The following TNS3 variants were observed in gnomAD, a reference collection of about 807,000 sequenced individuals.
The protein encoded by TNS3 is tensin 3.
In TNS3, 45 loss-of-function variants were observed where a neutral mutation model predicts 140.9. That is an observed-to-expected ratio of 0.32 (90% CI 0.25 to 0.41). The LOEUF is 0.41. TNS3 is among the 10% of genes least tolerant of loss of function. The probability of loss-of-function intolerance (pLI) is 1.00; values close to 1 mark genes in which losing one functional copy is unlikely to be tolerated. For missense variants in TNS3, 1,716 were observed against 1,906.7 expected (o/e 0.90, Z 1.86); for synonymous variants, 815 against 788.4 (o/e 1.03, Z -0.56).
intron 4 of TNS3, among the ~76,000 whole-genome samples, chr7:47,475,268 T>C (rs1797146004): frequency 1.3e-5 from 2 of 152,178 alleles, no homozygotes; most frequent in South Asian, 2.1e-4. Flanking sequence ...TGGCCTCGGG[T>C]GAGGTGAACC....
At chr7:47,461,729 A>G (rs1796499677) in intron 4 of TNS3, among the ~76,000 whole-genome samples, 1 of 152,252 alleles carries the variant, frequency 6.6e-6, no homozygotes, top group Non-Finnish European at 1.5e-5. Flanking sequence ...GTAATTGCAG[A>G]GCTTAATAAA....
chr7:47,395,063 A>C (rs898577491), intron 16 of TNS3, among the ~76,000 whole-genome samples: 1 of 151,994 alleles, frequency 6.6e-6, no homozygotes, highest in African/African-American at 2.4e-5. Flanking sequence ...GTGTTTTAGA[A>C]CCCCTGCCTC....
rs1240002849 is a variant in TNS3, at chr7:47,389,588, A to T, written c.1024+7212T>A. On this transcript the variant is annotated intron_variant, in intron 16 of 30. Transcript: ENST00000311160. The stretch of plus-strand genomic sequence containing the variant: ...CTCAGGGACTGGAACAACTCTTTTG[A>T]CTGCCCCCAATGCCACCCTCCTCTT... 4.1e-5 allele frequency among the ~76,000 whole-genome samples: 3 copies of T among 73,386 alleles called. No homozygotes were observed. The East Asian group carries it at 1.4e-3, about 34-fold the overall frequency. 48.1% of individuals were successfully genotyped at this position (73,386 alleles called of 152,430 possible). A position where few individuals can be genotyped will look rare whatever the true frequency, so the allele number is the denominator to read the frequency against.
In TNS3 at chr7:47,529,020, A is replaced by G. The variant is rs957560423; in HGVS notation, c.-153+16T>C. The G allele has an allele frequency of 2.4e-6, 3 of 1,261,708 alleles. No homozygotes were observed. The African/African-American group carries it at 4.6e-5, about 20-fold the overall frequency. 78.2% of individuals were successfully genotyped at this position (1,261,708 alleles called of 1,614,324 possible). A position where few individuals can be genotyped will look rare whatever the true frequency, so the allele number is the denominator to read the frequency against. ...CTCTGGATTAATCAGTGAGAGAATC[A>G]TAAACACAGACTTACCTCGGCATGA... On this transcript the variant is annotated intron_variant, in intron 2 of 30. Transcript: ENST00000311160.
At chr7:47,361,488 G>A (rs774598452) in intron 17 of TNS3, among the ~76,000 whole-genome samples, 2 of 152,170 alleles carry the variant, frequency 1.3e-5, no homozygotes, top group Non-Finnish European at 1.5e-5. Context: ...CCCAACTCTG[G>A]AGTTGAAATG....
At chr7:47,283,557 C>T (rs975681517) in intron 28 of TNS3, 140 bp downstream of exon 28, 22 of 713,804 alleles carry the variant, frequency 3.1e-5, no homozygotes, top group Non-Finnish European at 4.2e-5. Flanking sequence ...CAGAAAAATA[C>T]CTAGACAGAC....
At position 47,439,652 on chromosome 7, in the gene TNS3, G is replaced by A; in HGVS notation, c.-16C>T. 1.9e-6 allele frequency: 3 copies of A among 1,613,882 alleles called. No individual in the cohort carries two copies. The highest frequency in any genetic ancestry group is 2.5e-6 in the Non-Finnish European group (3 of 1,179,920). On this transcript the variant is annotated 5_prime_UTR_variant, in exon 6 of 31. Coordinates refer to ENST00000311160, the MANE Select transcript of TNS3 (RefSeq NM_022748.12). ...CCTCCTCCATGGTGGGACTCAGGAT[G>A]ACGGGCCTGCGAGAGAGCAGTGGGC... is the stretch of plus-strand genomic sequence containing the variant.
intron 3 of TNS3, among the ~76,000 whole-genome samples, chr7:47,504,767 C>T (rs1199423490): frequency 6.6e-6 from 1 of 152,122 alleles, no homozygotes; most frequent in Non-Finnish European, 1.5e-5. Flanking sequence ...CCAACAACGA[C>T]GGCATTATAT....
At chr7:47,485,638 G>A (rs1185264961) in intron 3 of TNS3, among the ~76,000 whole-genome samples, 2 of 152,242 alleles carry the variant, frequency 1.3e-5, no homozygotes. Context: ...ATGGGCTGTG[G>A]CATCCCCGGG....
Position 47,400,846 on chromosome 7 carries a change from A to G in TNS3, c.792T>C (p.Thr264=). The change falls in exon 14 of 31, where the codon ACT becomes ACC. Residue 264 remains threonine (T), a synonymous_variant. Coordinates refer to ENST00000311160, the MANE Select transcript of TNS3 (RefSeq NM_022748.12). The part of the protein sequence containing the change: ...RDVIFRLQFH[T]GAVQGYGLVF... ...CCAGCCCGTAGCCCTGCACAGCCCC[A>G]GTGTGAAACTGCAGGCGGAAAATGA... is the stretch of plus-strand genomic sequence containing the variant. 1.2e-6 allele frequency: 2 copies of G among 1,614,268 alleles called. No individual in the cohort carries two copies. Among genetic ancestry groups the G allele is most frequent in the Non-Finnish European group, 1.7e-6 (2 of 1,180,046 alleles).
At chr7:47,285,420 TAGTG>T (rs879442810) in intron 27 of TNS3, among the ~76,000 whole-genome samples, 21 of 152,274 alleles carry the variant, frequency 1.4e-4, no homozygotes, top group Admixed American at 1.1e-3. Context: ...GTTCTCGTAA[TAGTG>T]AGTAAGTCTC....
chr7:47,544,702 C>T (rs1176399193), intron 1 of TNS3, among the ~76,000 whole-genome samples: 1 of 152,078 alleles, frequency 6.6e-6, no homozygotes, highest in African/African-American at 2.4e-5. Flanking sequence ...GTCCAGCTTA[C>T]AGACCTACTG....
At position 47,530,838 on chromosome 7, in the gene TNS3, A is replaced by AAAAAAAAAAAAAAATATATAT; in HGVS notation, c.-264-1692_-264-1691insATATATATTTTTTTTTTTTTT. On this transcript the variant is annotated intron_variant, in intron 1 of 30. Transcript: ENST00000311160. The stretch of plus-strand genomic sequence containing the variant: ...AACTCCATCTCAAAAAAAAAAAAAA[A>AAAAAAAAAAAAAAATATATAT]ATATATATATATATATATATTTCTA... Among the ~76,000 whole-genome samples, 14 of 54,548 alleles carry AAAAAAAAAAAAAAATATATAT rather than the reference A, an allele frequency of 2.6e-4. No individual in the cohort carries two copies. The East Asian group carries it at 5.4e-3, about 21-fold the overall frequency. The allele number at this position is 54,548 out of a possible 152,430, so 35.8% of individuals were successfully genotyped here.
At chr7:47,505,883 G>A (rs763471513) in intron 3 of TNS3, among the ~76,000 whole-genome samples, 1 of 152,202 alleles carries the variant, frequency 6.6e-6, no homozygotes, top group Non-Finnish European at 1.5e-5. Flanking sequence ...CTGAGATCGG[G>A]AGGGTCGGGG....
chr7:47,459,630 GC>G (rs1796399627), intron 4 of TNS3, among the ~76,000 whole-genome samples: 1 of 152,090 alleles, frequency 6.6e-6, no homozygotes, highest in African/African-American at 2.4e-5. Flanking sequence ...CCCACACAGG[GC>G]CCAGTGTCTG....
chr7:47,369,109 G>A lies in TNS3; in HGVS notation c.1537C>T (p.His513Tyr). ...AGGAGTGAGTTCTGGCTGCTCTTGTGGCAGGTGAAGGGACCCAGGTGGGCC... is the reference window on the plus strand; with the variant it reads ...AGGAGTGAGTTCTGGCTGCTCTTGTAGCAGGTGAAGGGACCCAGGTGGGCC... ...QSAHLGPFTC[H>Y]KSSQNSLLSD... Residue 513 changes from histidine (H) to tyrosine (Y), a missense_variant, in exon 17 of 31, where the codon CAC (histidine) becomes TAC (tyrosine). Coordinates refer to ENST00000311160, the MANE Select transcript of TNS3 (RefSeq NM_022748.12). 6.2e-7 allele frequency: 1 copy of A among 1,613,950 alleles called. No individual in the cohort carries two copies. The highest frequency in any genetic ancestry group is 8.5e-7 in the Non-Finnish European group (1 of 1,180,036).
chr7:47,404,534 C>A (rs1793336339), intron 13 of TNS3, among the ~76,000 whole-genome samples: 1 of 152,106 alleles, frequency 6.6e-6, no homozygotes, highest in South Asian at 2.1e-4. Context: ...TTCTTTTAGT[C>A]TGATGAGGCA....
intron 10 of TNS3, among the ~76,000 whole-genome samples, chr7:47,422,159 T>G (rs928677588): frequency 6.6e-6 from 1 of 152,046 alleles, no homozygotes; most frequent in Non-Finnish European, 1.5e-5. Flanking sequence ...CTGGTCAAAA[T>G]AAAAAGAAAA....
chr7:47,524,251 C>T lies in TNS3; in HGVS notation c.-153+4785G>A, dbSNP rs150230692. Among the ~76,000 whole-genome samples, 249 of 152,350 alleles carry T rather than the reference C, an allele frequency of 1.6e-3. 1 individual carries two copies. Among genetic ancestry groups the T allele is most frequent in the African/African-American group, 5.7e-3 (235 of 41,592 alleles). On this transcript the variant is annotated intron_variant, in intron 2 of 30. Transcript: ENST00000311160. ...CTCCCCGAGTCCCAGCTCTGCACCA[C>T]TGGATCTGCATTTTCATGCCCATTT...
Sources: allele counts gnomAD v4.1 joint callset (sites outside exome capture counted in the v4.1 genomes callset), GRCh38; gene constraint gnomAD v4.1.1; transcripts MANE v1.5; gene names NCBI Gene and HGNC (gene_info 2026-07-23, HGNC 2026-07-21).